Variants in METTL15 observed in about 807,000 individuals in gnomAD.
METTL15 encodes the protein 12S rRNA N(4)-cytidine methyltransferase METTL15.
A neutral mutation model predicts 38.3 loss-of-function variants in METTL15; 34 were observed. The ratio of observed to expected loss-of-function variants is 0.89; its 90% CI spans 0.68 to 1.18. The LOEUF is 1.18. METTL15 is among the 50% of genes most tolerant of loss of function. The pLI is 0.00. For missense variants in METTL15, 438 were observed against 498.4 expected, an observed-to-expected ratio of 0.88 and a Z score of 1.15; for synonymous variants, 162 against 170.9, an observed-to-expected ratio of 0.95 and a Z score of 0.41.
chr11:28,121,585 A>G (rs1852235486), intron 3 of METTL15, among the ~76,000 whole-genome samples: 1 of 152,150 alleles, frequency 6.6e-6, no homozygotes, highest in South Asian at 2.1e-4. Flanking sequence ...TATTAATATT[A>G]TAGTACACAT....
intron 6 of METTL15, among the ~76,000 whole-genome samples, chr11:28,321,386 C>T (rs1250952485): frequency 6.6e-6 from 1 of 152,066 alleles, no homozygotes; most frequent in Non-Finnish European, 1.5e-5. Context: ...GTGACATTTC[C>T]ATTACACAAT....
chr11:28,159,176 C>T (rs185542349), intron 3 of METTL15, among the ~76,000 whole-genome samples: 1 of 152,064 alleles, frequency 6.6e-6, no homozygotes, highest in African/African-American at 2.4e-5. Context: ...ACTTTGGGTT[C>T]CTCCTACCTT....
intron 3 of METTL15, among the ~76,000 whole-genome samples, chr11:28,120,838 C>T (rs1231989546): frequency 6.6e-6 from 1 of 152,148 alleles, no homozygotes; most frequent in East Asian, 1.9e-4. Flanking sequence ...TCTTTCTTCT[C>T]TTGACTGCTT....
At chr11:28,404,446 T>G (rs1850657308) in intron 5 of METTL15, among the ~76,000 whole-genome samples, 1 of 152,064 alleles carries the variant, frequency 6.6e-6, no homozygotes. Flanking sequence ...CTTCCTGGTT[T>G]ATAGGTGGCA....
At chr11:28,240,116 A>C (rs562626569) in intron 4 of METTL15, among the ~76,000 whole-genome samples, 3 of 152,280 alleles carry the variant, frequency 2.0e-5, no homozygotes, top group Admixed American at 6.5e-5. Flanking sequence ...TTGCACTATA[A>C]ATGATGCAGT....
At chr11:28,421,705 G>A (rs966675866) in intron 5 of METTL15, among the ~76,000 whole-genome samples, 5 of 151,644 alleles carry the variant, frequency 3.3e-5, no homozygotes, top group Admixed American at 2.0e-4. Context: ...AATAAAAACC[G>A]TATATGACAG....
the METTL15 span, among the ~76,000 whole-genome samples, chr11:28,532,392 G>A: frequency 6.6e-6 from 1 of 152,074 alleles, no homozygotes; most frequent in Non-Finnish European, 1.5e-5. Context: ...CTATTTGTGT[G>A]TGTATGCATG....
chr11:28,480,974 C>T (rs189105289), intron 6 of METTL15, among the ~76,000 whole-genome samples: 71 of 152,106 alleles, frequency 4.7e-4, no homozygotes, highest in African/African-American at 1.6e-3. Flanking sequence ...CAAGGTTTAC[C>T]TGATCAAGAA....
intron 4 of METTL15, among the ~76,000 whole-genome samples, chr11:28,224,432 T>A (rs1350769990): frequency 2.6e-5 from 4 of 151,914 alleles, no homozygotes. Context: ...TAATTAAAAT[T>A]AAAAAATGCA....
chr11:28,346,525 T>C (rs1321367860), intron 3 of METTL15, among the ~76,000 whole-genome samples: 3 of 152,190 alleles, frequency 2.0e-5, no homozygotes, highest in Non-Finnish European at 4.4e-5. Flanking sequence ...CCATTTCCTT[T>C]CTTTAATGGG....
chr11:28,352,379 C>T (rs1850049356), intron 4 of METTL15, among the ~76,000 whole-genome samples: 1 of 152,094 alleles, frequency 6.6e-6, no homozygotes, highest in African/African-American at 2.4e-5. Context: ...ACCTCTATTG[C>T]TCTAACAACT....
intron 4 of METTL15, among the ~76,000 whole-genome samples, chr11:28,252,431 C>T (rs1338002730): frequency 6.6e-6 from 1 of 152,104 alleles, no homozygotes; most frequent in Non-Finnish European, 1.5e-5. Context: ...TTCTCAGCTA[C>T]CTACCTAGTT....
rs117375950 is a variant in METTL15, at chr11:28,434,524, G to T, written c.*424+10160G>T. Among the ~76,000 whole-genome samples the T allele has an allele frequency of 8.6e-3, 1,315 of 152,272 alleles. 11 individuals are homozygous for T. Among genetic ancestry groups the T allele is most frequent in the Non-Finnish European group, 0.014 (923 of 68,014 alleles). On this transcript the variant is annotated intron_variant and NMD_transcript_variant, in intron 6 of 7. Transcript: ENST00000532947. ...TTGTAAATTTAGAGATGTCCATCTA[G>T]CTGAGATTTTATGAATATCACTAAA... is the stretch of plus-strand genomic sequence containing the variant.
chr11:28,117,882 A>C (rs773745354), intron 3 of METTL15, among the ~76,000 whole-genome samples: 22 of 152,160 alleles, frequency 1.4e-4, no homozygotes, highest in Non-Finnish European at 2.9e-4. Flanking sequence ...CCTTTTCCCC[A>C]AAATCATTTT....
At chr11:28,438,672 CTTTTTTTTTTTTT>C (rs1171439330) in intron 6 of METTL15, among the ~76,000 whole-genome samples, 1 of 128,194 alleles carries the variant, frequency 7.8e-6, no homozygotes, top group Middle Eastern at 3.7e-3. Flanking sequence ...TTTCTTTTTT[CTTTTTTTTTTTTT>C]TTTTTTGGAG....
chr11:28,496,731 G>A (rs2133485892), intron 6 of METTL15, among the ~76,000 whole-genome samples: 1 of 152,334 alleles, frequency 6.6e-6, no homozygotes, highest in East Asian at 1.9e-4. Context: ...AACAATGTAA[G>A]TATGAACTTG....
chr11:28,352,698 C>A (rs972409281), intron 4 of METTL15, among the ~76,000 whole-genome samples: 1 of 152,130 alleles, frequency 6.6e-6, no homozygotes, highest in South Asian at 2.1e-4. Flanking sequence ...CCCTCCCTTT[C>A]CCTCTCCCCA....
At chr11:28,321,935 G>C (rs1366895097) in intron 6 of METTL15, among the ~76,000 whole-genome samples, 1 of 151,492 alleles carries the variant, frequency 6.6e-6, no homozygotes. Context: ...TGATCAAGAG[G>C]GTACTTCAAA....
At chr11:28,171,144 G>A (rs1442120385) in intron 3 of METTL15, among the ~76,000 whole-genome samples, 1 of 152,062 alleles carries the variant, frequency 6.6e-6, no homozygotes, top group African/African-American at 2.4e-5. Flanking sequence ...TTGTTCTTGG[G>A]AATTTATACC....
Sources: allele counts gnomAD v4.1 joint callset (sites outside exome capture counted in the v4.1 genomes callset), GRCh38; gene constraint gnomAD v4.1.1; transcripts MANE v1.5; gene names NCBI Gene and HGNC (gene_info 2026-07-23, HGNC 2026-07-21).